ULK4: variants seen among roughly 807,000 people sequenced by gnomAD.
The protein encoded by ULK4 is inactive serine/threonine-protein kinase ULK4.
A neutral mutation model predicts 160.6 loss-of-function variants in ULK4; 133 were observed. The ratio of observed to expected loss-of-function variants is 0.83; its 90% CI spans 0.72 to 0.96. The LOEUF is 0.96. Among genes scored for constraint, ULK4 ranks in the 40% least tolerant of loss-of-function variants. The probability of loss-of-function intolerance (pLI) is 0.00; values close to 1 mark genes in which losing one functional copy is unlikely to be tolerated. For synonymous variants in ULK4, 534 were observed against 539.8 expected (o/e 0.99, Z 0.15); for missense variants, 1,580 against 1,499.5 (o/e 1.05, Z -0.89).
intron 31 of ULK4, among the ~76,000 whole-genome samples, chr3:41,579,994 G>C (rs1026595991): frequency 1.3e-5 from 2 of 152,252 alleles, no homozygotes; most frequent in Middle Eastern, 3.4e-3. Flanking sequence ...GACTCATGGA[G>C]CACACGTGTG....
chr3:41,566,204 T>C, intron 31 of ULK4, 74 bp from the exon 32 acceptor site: 4 of 1,249,466 alleles, frequency 3.2e-6, no homozygotes, highest in Non-Finnish European at 4.6e-6. Context: ...AATAAGCAAA[T>C]GATGTCCACT....
chr3:41,431,544 T>TC lies in ULK4; in HGVS notation c.3492+23952dup, dbSNP rs1409823806. Reference sequence around the variant, plus strand: ...AATCCTGTGAGGTGTTGTAATTCCCTCCCTTTTTTTTTTTTTTTGATGTGG... The same window carrying TC: ...AATCCTGTGAGGTGTTGTAATTCCCTCCCCTTTTTTTTTTTTTTTGATGTGG... On this transcript the variant is annotated intron_variant, in intron 34 of 36. Transcript: ENST00000301831. 2.8e-4 allele frequency among the ~76,000 whole-genome samples: 35 copies of TC among 123,034 alleles called. 2 individuals are homozygous for TC. The South Asian group carries it at 6.9e-3, about 24-fold the overall frequency. The allele number at this position is 123,034 out of a possible 152,430, so 80.7% of individuals were successfully genotyped here.
intron 5 of ULK4, among the ~76,000 whole-genome samples, chr3:41,929,167 G>A (rs1699491707): frequency 6.6e-6 from 1 of 152,090 alleles, no homozygotes; most frequent in Non-Finnish European, 1.5e-5. Context: ...TTCATCCCTG[G>A]GATGCAAGGC....
At chr3:41,802,137 C>T (rs1320414456) in intron 19 of ULK4, among the ~76,000 whole-genome samples, 1 of 151,810 alleles carries the variant, frequency 6.6e-6, no homozygotes, top group Non-Finnish European at 1.5e-5. Context: ...AGCAGAACTG[C>T]ACTACAAAAA....
intron 1 of ULK4, among the ~76,000 whole-genome samples, chr3:41,960,177 T>A (rs750742883): frequency 1.3e-5 from 2 of 152,012 alleles, no homozygotes; most frequent in Non-Finnish European, 2.9e-5. Flanking sequence ...TGAATTTGAT[T>A]TAGGCCAAAT....
intron 18 of ULK4, among the ~76,000 whole-genome samples, chr3:41,830,806 T>C (rs1414414265): frequency 6.6e-6 from 1 of 151,732 alleles, no homozygotes; most frequent in Non-Finnish European, 1.5e-5. Context: ...AAGCATGGGA[T>C]AAACTGAGCA....
intron 32 of ULK4, among the ~76,000 whole-genome samples, chr3:41,484,458 C>CTTTTTTTTT (rs369059587): frequency 2.8e-4 from 38 of 134,864 alleles, no homozygotes; most frequent in South Asian, 4.8e-4. Context: ...CTTTCTTTTC[C>CTTTTTTTTT]TTTTTTTGTT....
At chr3:41,488,521 T>C (rs780486064) in intron 32 of ULK4, among the ~76,000 whole-genome samples, 3 of 152,232 alleles carry the variant, frequency 2.0e-5, no homozygotes, top group Non-Finnish European at 4.4e-5. Flanking sequence ...ATCATGAATA[T>C]GCATTACTTT....
At chr3:41,313,898 A>G (rs1452681870) in intron 35 of ULK4, among the ~76,000 whole-genome samples, 1 of 152,202 alleles carries the variant, frequency 6.6e-6, no homozygotes, top group East Asian at 1.9e-4. Flanking sequence ...AAAAGGTGAC[A>G]CAGCTTCTGC....
At chr3:41,441,122 T>C (rs1255459002) in intron 34 of ULK4, among the ~76,000 whole-genome samples, 7 of 152,096 alleles carry the variant, frequency 4.6e-5, no homozygotes, top group Non-Finnish European at 7.4e-5. Flanking sequence ...TCCACTGTTT[T>C]CCTAGTTCCT....
At chr3:41,344,305 T>TA (rs2080751649) in intron 35 of ULK4, among the ~76,000 whole-genome samples, 1 of 152,152 alleles carries the variant, frequency 6.6e-6, no homozygotes, top group Admixed American at 6.5e-5. Flanking sequence ...ACCTTTTCCT[T>TA]ACACCATATA....
At chr3:41,812,911 G>A (rs2040858886) in intron 19 of ULK4, among the ~76,000 whole-genome samples, 1 of 152,106 alleles carries the variant, frequency 6.6e-6, no homozygotes, top group Admixed American at 6.6e-5. Context: ...CATTTCTGGG[G>A]GACAGGTAGC....
chr3:41,363,982 G>A (rs1034610826), intron 35 of ULK4, among the ~76,000 whole-genome samples: 2 of 151,630 alleles, frequency 1.3e-5, no homozygotes, highest in African/African-American at 4.9e-5. Flanking sequence ...CCAGGCTGGA[G>A]TGCAGTGGTG....
chr3:41,465,537 T>C (rs1307495629), intron 32 of ULK4, among the ~76,000 whole-genome samples: 2 of 152,224 alleles, frequency 1.3e-5, no homozygotes, highest in Non-Finnish European at 2.9e-5. Context: ...CATTTGGTCA[T>C]GGACCTTAAG....
At chr3:41,942,413 G>A (rs1225381036) in intron 2 of ULK4, among the ~76,000 whole-genome samples, 2 of 152,112 alleles carry the variant, frequency 1.3e-5, no homozygotes, top group Non-Finnish European at 1.5e-5. Flanking sequence ...CAGGAACTCA[G>A]GGGTCTGAGG....
intron 35 of ULK4, among the ~76,000 whole-genome samples, chr3:41,306,794 C>G (rs1214499122): frequency 1.3e-5 from 2 of 151,800 alleles, no homozygotes; most frequent in Non-Finnish European, 2.9e-5. Flanking sequence ...TCATTTTGTT[C>G]TGTACTAAGA....
intron 35 of ULK4, among the ~76,000 whole-genome samples, chr3:41,396,674 T>G (rs1419134091): frequency 6.6e-6 from 1 of 152,004 alleles, no homozygotes; most frequent in African/African-American, 2.4e-5. Flanking sequence ...AACCAGAAAG[T>G]CCAAAAGAAA....
intron 31 of ULK4, among the ~76,000 whole-genome samples, chr3:41,612,137 AG>A (rs1457744196): frequency 6.6e-6 from 1 of 152,250 alleles, no homozygotes; most frequent in Admixed American, 6.5e-5. Context: ...AGTATACAGA[AG>A]GATGTGCAAA....
rs374692056 is a variant in ULK4 at position 41,807,266 on chromosome 3, G to A, written c.1849-6973C>T. On this transcript the variant is annotated intron_variant, in intron 19 of 36. Coordinates refer to ENST00000301831, the MANE Select transcript of ULK4 (RefSeq NM_017886.4). ...TTAACAAGAAAAATATATATGTAAAGGAAGGGCAAAGAAAGATATATAATA... is the reference window on the plus strand; with the variant it reads ...TTAACAAGAAAAATATATATGTAAAAGAAGGGCAAAGAAAGATATATAATA... 5.3e-5 allele frequency among the ~76,000 whole-genome samples: 8 copies of A among 152,054 alleles called. No individual in the cohort carries two copies. In the South Asian group the frequency reaches 8.3e-4, roughly 16 times the overall value.
Sources: gnomAD v4.1 joint callset for allele counts (sites outside exome capture counted in the v4.1 genomes callset) on GRCh38, gnomAD v4.1.1 for gene constraint, MANE v1.5 for transcripts, NCBI Gene and HGNC (gene_info 2026-07-23, HGNC 2026-07-21) for gene names.